Variants in LPA observed in about 807,000 individuals in gnomAD.
LPA encodes the protein apolipoprotein(a).
A neutral mutation model predicts 197.9 loss-of-function variants in LPA; 199 were observed. That is an observed-to-expected ratio of 1.01 (90% CI 0.90 to 1.13). The LOEUF is 1.13. LPA is among the 50% of genes most tolerant of loss of function. The pLI, the probability that LPA is intolerant of heterozygous loss-of-function variation, is 0.00. For synonymous variants in LPA, 715 were observed against 639.5 expected, an observed-to-expected ratio of 1.12 and a Z score of -1.78; for missense variants, 1,853 against 1,785.8, an observed-to-expected ratio of 1.04 and a Z score of -0.68.
chr6:160,592,231 G>A (rs1231609409), intron 22 of LPA, among the ~76,000 whole-genome samples: 1 of 146,188 alleles, frequency 6.8e-6, no homozygotes, highest in Non-Finnish European at 1.5e-5. Context: ...GTGTGTATGT[G>A]TATTTGTGTC....
intron 22 of LPA, among the ~76,000 whole-genome samples, chr6:160,592,917 G>C (rs968272250): frequency 1.3e-5 from 2 of 152,176 alleles, no homozygotes; most frequent in African/African-American, 4.8e-5. Flanking sequence ...GTGAGCTCTA[G>C]CATCTCCATT....
intron 32 of LPA, among the ~76,000 whole-genome samples, chr6:160,546,044 A>G (rs1219697478): frequency 6.6e-6 from 1 of 152,186 alleles, no homozygotes; most frequent in Non-Finnish European, 1.5e-5. Context: ...TCTGCCCCCC[A>G]GTTCTTAACA....
At chr6:160,542,928 A>G in intron 33 of LPA, 120 bp from the exon 34 acceptor site, 1 of 1,387,368 alleles carries the variant, frequency 7.2e-7, no homozygotes. Context: ...TTAAATGGTA[A>G]AATCATAAAC....
intron 26 of LPA, 151 bp downstream of exon 26, chr6:160,584,895 T>G: frequency 1.3e-6 from 1 of 795,330 alleles, no homozygotes; most frequent in Non-Finnish European, 2.2e-6. Flanking sequence ...CATTCAGACC[T>G]TTTGCTCAAA....
chr6:160,582,730 C>A (rs1778824829), intron 26 of LPA, among the ~76,000 whole-genome samples: 2 of 152,084 alleles, frequency 1.3e-5, no homozygotes, highest in African/African-American at 4.8e-5. Context: ...GTGAGTTTAT[C>A]ATTTTTTCCA....
At chr6:160,567,649 C>G (rs1008680728) in intron 28 of LPA, among the ~76,000 whole-genome samples, 2 of 152,044 alleles carry the variant, frequency 1.3e-5, no homozygotes, top group Non-Finnish European at 1.5e-5. Context: ...AAGACCAGAG[C>G]AGAACTGAAG....
chr6:160,548,338 G>GGCAGA, intron 31 of LPA, 140 bp downstream of exon 31: 1 of 865,892 alleles, frequency 1.2e-6, no homozygotes, highest in Non-Finnish European at 1.8e-6. Flanking sequence ...CCTTGGTCAT[G>GGCAGA]GCAGAACCTC....
At chr6:160,596,749 C>G (rs1479412813) in intron 20 of LPA, among the ~76,000 whole-genome samples, 1 of 152,156 alleles carries the variant, frequency 6.6e-6, no homozygotes, top group Non-Finnish European at 1.5e-5. Context: ...TCAGGTTTCT[C>G]TAGACTACAC....
intron 30 of LPA, among the ~76,000 whole-genome samples, chr6:160,549,697 T>C (rs1237202349): frequency 6.6e-6 from 1 of 152,232 alleles, no homozygotes; most frequent in Non-Finnish European, 1.5e-5. Flanking sequence ...AAAGCTGACC[T>C]GGAAGACTAG....
chr6:160,584,718 G>A (rs1438344750), intron 26 of LPA, among the ~76,000 whole-genome samples: 1 of 152,104 alleles, frequency 6.6e-6, no homozygotes, highest in East Asian at 1.9e-4. Context: ...GAATTGCATG[G>A]TTGAAAGACT....
At chr6:160,610,135 T>C (rs774211021) in intron 16 of LPA, among the ~76,000 whole-genome samples, 9 of 152,148 alleles carry the variant, frequency 5.9e-5, no homozygotes, top group East Asian at 1.9e-4. Context: ...TTGCCTGATT[T>C]ATTTTCTGGT....
intron 34 of LPA, 95 bp from the exon 35 acceptor site, chr6:160,541,276 A>G (rs1777977776): frequency 1.1e-6 from 1 of 911,920 alleles, no homozygotes; most frequent in Non-Finnish European, 1.8e-6. Context: ...CTCAGTTTTG[A>G]TCATGTTCAT....
intron 28 of LPA, among the ~76,000 whole-genome samples, chr6:160,559,112 A>G (rs576881681): frequency 5.9e-5 from 9 of 152,274 alleles, no homozygotes; most frequent in African/African-American, 2.2e-4. Flanking sequence ...GTGGAGCCCA[A>G]ACTCCCATCA....
intron 28 of LPA, among the ~76,000 whole-genome samples, chr6:160,573,520 G>A (rs1032435114): frequency 6.6e-6 from 1 of 152,030 alleles, no homozygotes; most frequent in East Asian, 1.9e-4. Flanking sequence ...ATATTACCAG[G>A]GTTGGTTTTC....
chr6:160,593,939 A>G lies in LPA; in HGVS notation c.3629+19T>C, dbSNP rs748459960. The G allele has an allele frequency of 1.9e-6, 3 of 1,612,986 alleles. No homozygotes were observed. Among genetic ancestry groups the G allele is most frequent in the Non-Finnish European group, 2.5e-6 (3 of 1,179,628 alleles). ...TAAGGGGGCTGCTGTCTGTCTTTGAAGAAAACTCAAGGTTGTACCCATTTG... is the reference window on the plus strand; with the variant it reads ...TAAGGGGGCTGCTGTCTGTCTTTGAGGAAAACTCAAGGTTGTACCCATTTG... On this transcript the variant is annotated intron_variant, in intron 22 of 38. Coordinates refer to ENST00000316300, the MANE Select transcript of LPA (RefSeq NM_005577.4).
At chr6:160,546,741 G>A (rs1778077743) in intron 32 of LPA, among the ~76,000 whole-genome samples, 1 of 152,150 alleles carries the variant, frequency 6.6e-6, no homozygotes, top group Admixed American at 6.5e-5. Flanking sequence ...CTCGCTTGGG[G>A]TGTGAGGAGA....
rs116223426 is a variant in LPA, at chr6:160,551,087, C to T, written c.4974-2428G>A. On this transcript the variant is annotated intron_variant, in intron 30 of 38. Transcript: ENST00000316300. Reference sequence around the variant, plus strand: ...ATTGCAGGTTTGTAGGGTAAAAGTGCATTTATTGAACTTTTGGAGAAACTA... The same window carrying T: ...ATTGCAGGTTTGTAGGGTAAAAGTGTATTTATTGAACTTTTGGAGAAACTA... 9.1e-3 allele frequency among the ~76,000 whole-genome samples: 1,382 copies of T among 152,248 alleles called. 27 individuals carry two copies. Among genetic ancestry groups the T allele is most frequent in the African/African-American group, 0.031 (1,299 of 41,522 alleles).
chr6:160,538,838 A>G (rs1777932646), intron 36 of LPA, among the ~76,000 whole-genome samples: 5 of 152,124 alleles, frequency 3.3e-5, no homozygotes, highest in Admixed American at 3.3e-4. Flanking sequence ...GTATCAGCCT[A>G]TCAGAGAATG....
intron 28 of LPA, among the ~76,000 whole-genome samples, chr6:160,576,686 G>GTATATATATA (rs775805522): frequency 8.2e-6 from 1 of 122,276 alleles, no homozygotes; most frequent in African/African-American, 3.3e-5. Context: ...GTGTGTGTGT[G>GTATATATATA]TGTGTATATA....
Sources: gnomAD v4.1 joint callset for allele counts (sites outside exome capture counted in the v4.1 genomes callset) on GRCh38, gnomAD v4.1.1 for gene constraint, MANE v1.5 for transcripts, NCBI Gene and HGNC (gene_info 2026-07-23, HGNC 2026-07-21) for gene names.